The following ROBO1 variants were observed in gnomAD, a reference collection of about 807,000 sequenced individuals.
ROBO1 encodes roundabout homolog 1.
A neutral mutation model predicts 195.9 loss-of-function variants in ROBO1; 149 were observed. The ratio of observed to expected loss-of-function variants is 0.76; its 90% CI spans 0.67 to 0.87. The LOEUF is 0.87. Ranked by LOEUF, ROBO1 falls within the 40% of genes least tolerant of loss-of-function variation. The pLI, the probability that ROBO1 is intolerant of heterozygous loss-of-function variation, is 0.00. For missense variants in ROBO1, 1,933 were observed against 2,068.3 expected, an observed-to-expected ratio of 0.93 and a Z score of 1.27; for synonymous variants, 816 against 733.2, an observed-to-expected ratio of 1.11 and a Z score of -1.82.
intron 7 of ROBO1, chr3:78,715,136 T>C (rs2081868308): frequency 6.6e-6 from 1 of 152,194 alleles, no homozygotes; most frequent in African/African-American, 2.4e-5. Flanking sequence ...TTATCTACTA[T>C]AGTTTACATA....
intron 3 of ROBO1, among the ~76,000 whole-genome samples, chr3:79,033,531 C>T (rs1026930112): frequency 2.0e-5 from 3 of 152,068 alleles, no homozygotes; most frequent in Admixed American, 2.0e-4. Context: ...AAAATGCATA[C>T]AGCAATTAAT....
intron 2 of ROBO1, among the ~76,000 whole-genome samples, chr3:79,506,461 A>ATT (rs200619853): frequency 6.1e-5 from 9 of 148,160 alleles, no homozygotes; most frequent in East Asian, 5.9e-4. Flanking sequence ...AGATGAAGCA[A>ATT]TTTTTTTTTT....
Position 78,999,529 on chromosome 3 carries a change from T to C in ROBO1, c.173-60602A>G, listed in dbSNP as rs568595335. 1.4e-4 allele frequency among the ~76,000 whole-genome samples: 22 copies of C among 152,004 alleles called. No homozygotes were observed. The South Asian group carries it at 3.9e-3, about 27-fold the overall frequency. On this transcript the variant is annotated intron_variant, in intron 3 of 30. Transcript: ENST00000464233. ...GACATAAAGATGGGAACAATAGATA[T>C]CAGTGACTGCCAGAGGGGAAAGGAA...
intron 2 of ROBO1, among the ~76,000 whole-genome samples, chr3:79,126,069 A>C (rs1267138126): frequency 6.6e-6 from 1 of 152,202 alleles, no homozygotes; most frequent in Non-Finnish European, 1.5e-5. Context: ...TAAAAATGTC[A>C]TACTTTTTTC....
At chr3:79,057,109 C>T (rs1047369287) in intron 3 of ROBO1, among the ~76,000 whole-genome samples, 3 of 151,936 alleles carry the variant, frequency 2.0e-5, no homozygotes, top group Non-Finnish European at 4.4e-5. Context: ...TGGGTGGTCC[C>T]TTGATTGACC....
intron 2 of ROBO1, among the ~76,000 whole-genome samples, chr3:79,224,702 T>C (rs1211093755): frequency 6.6e-6 from 1 of 152,184 alleles, no homozygotes; most frequent in Non-Finnish European, 1.5e-5. Flanking sequence ...TTAGACCCCA[T>C]TGGATTTTTC....
intron 3 of ROBO1, among the ~76,000 whole-genome samples, chr3:79,007,800 T>C (rs559928759): frequency 6.6e-6 from 1 of 152,340 alleles, no homozygotes; most frequent in East Asian, 1.9e-4. Context: ...TGCATACCTC[T>C]ATTAAATCAC....
At chr3:79,630,329 G>A (rs1268576315) in intron 1 of ROBO1, among the ~76,000 whole-genome samples, 4 of 151,978 alleles carry the variant, frequency 2.6e-5, no homozygotes, top group Non-Finnish European at 5.9e-5. Flanking sequence ...ATGTGAGAAT[G>A]GTTCAACATA....
intron 2 of ROBO1, among the ~76,000 whole-genome samples, chr3:79,508,227 C>A (rs191367173): frequency 6.6e-6 from 1 of 152,112 alleles, no homozygotes; most frequent in Admixed American, 6.5e-5. Context: ...ACGTTGTGCA[C>A]ATGTACCCTA....
chr3:79,517,761 T>G (rs1941014572), intron 2 of ROBO1, among the ~76,000 whole-genome samples: 1 of 152,208 alleles, frequency 6.6e-6, no homozygotes, highest in Non-Finnish European at 1.5e-5. Flanking sequence ...ATACTTGCTG[T>G]GTGGCAGGGG....
chr3:78,926,675 G>C (rs1424947637), intron 4 of ROBO1, among the ~76,000 whole-genome samples: 1 of 152,174 alleles, frequency 6.6e-6, no homozygotes, highest in Non-Finnish European at 1.5e-5. Context: ...TGAGAGAACA[G>C]AGAGTGAATC....
chr3:78,736,310 G>A (rs1374681927), intron 5 of ROBO1, among the ~76,000 whole-genome samples: 1 of 152,018 alleles, frequency 6.6e-6, no homozygotes, highest in Non-Finnish European at 1.5e-5. Context: ...ACAGACATGA[G>A]GAATACAGGT....
At chr3:78,723,103 T>C (rs949163649) in intron 5 of ROBO1, among the ~76,000 whole-genome samples, 6 of 152,202 alleles carry the variant, frequency 3.9e-5, no homozygotes, top group Non-Finnish European at 8.8e-5. Flanking sequence ...ACCTCATATA[T>C]GATGACGATC....
At chr3:79,745,630 C>A (rs1247578562) in intron 1 of ROBO1, among the ~76,000 whole-genome samples, 1 of 152,022 alleles carries the variant, frequency 6.6e-6, no homozygotes, top group East Asian at 1.9e-4. Flanking sequence ...AATATTTATC[C>A]TGTAAACTCA....
chr3:79,389,769 G>A (rs2036881078), intron 2 of ROBO1, among the ~76,000 whole-genome samples: 2 of 152,036 alleles, frequency 1.3e-5, no homozygotes, highest in Admixed American at 1.3e-4. Flanking sequence ...CTAGTTTGTT[G>A]GAAACATAGT....
chr3:79,141,569 T>TG (rs1047990866), intron 2 of ROBO1, among the ~76,000 whole-genome samples: 18 of 16,034 alleles, frequency 1.1e-3, no homozygotes, highest in South Asian at 8.2e-3. Context: ...CTGTTGTTGT[T>TG]TTTTTTTTTT....
At chr3:79,254,711 C>T (rs1426133576) in intron 2 of ROBO1, among the ~76,000 whole-genome samples, 2 of 152,138 alleles carry the variant, frequency 1.3e-5, no homozygotes, top group African/African-American at 4.8e-5. Context: ...CTCCTGTTAG[C>T]TATGTAACCT....
chr3:79,444,453 C>T (rs6803667), intron 2 of ROBO1, among the ~76,000 whole-genome samples: 7,295 of 152,086 alleles, frequency 0.048, 473 homozygotes, highest in African/African-American at 0.14. Flanking sequence ...TAAAAGCCAG[C>T]TAATATTAAA....
intron 2 of ROBO1, among the ~76,000 whole-genome samples, chr3:79,193,525 T>G (rs2081577591): frequency 6.6e-6 from 1 of 151,054 alleles, no homozygotes; most frequent in South Asian, 2.1e-4. Flanking sequence ...TTCTGGTCTA[T>G]TTCAAGAAAG....
Sources: allele counts gnomAD v4.1 joint callset (sites outside exome capture counted in the v4.1 genomes callset), GRCh38; gene constraint gnomAD v4.1.1; transcripts MANE v1.5; gene names NCBI Gene and HGNC (gene_info 2026-07-23, HGNC 2026-07-21).